The following SHISA9 variants were observed in gnomAD, a reference collection of about 807,000 sequenced individuals.
SHISA9 encodes shisa family member 9.
In SHISA9, 13 loss-of-function variants were observed where a neutral mutation model predicts 38.0. The ratio of observed to expected loss-of-function variants is 0.34; its 90% CI spans 0.22 to 0.54. The LOEUF (loss-of-function observed/expected upper bound fraction) is 0.54, where lower values mean the gene tolerates loss of function less well. Ranked by LOEUF, SHISA9 falls within the 20% of genes least tolerant of loss-of-function variation. SHISA9 has a pLI of 0.91. For missense variants in SHISA9, 538 were observed against 575.8 expected (o/e 0.93, Z 0.67); for synonymous variants, 275 against 242.0 (o/e 1.14, Z -1.27).
chr16:13,357,606 A>G, the SHISA9 span, among the ~76,000 whole-genome samples: 1 of 152,204 alleles, frequency 6.6e-6, no homozygotes, highest in African/African-American at 2.4e-5. Context: ...AGACCACCAA[A>G]CAGGCTTTGT....
At chr16:13,417,269 TATG>T in the SHISA9 span, among the ~76,000 whole-genome samples, 1 of 152,248 alleles carries the variant, frequency 6.6e-6, no homozygotes, top group African/African-American at 2.4e-5. Flanking sequence ...TTTCATATTT[TATG>T]ATATGTTTTG....
chr16:13,401,273 G>T, the SHISA9 span, among the ~76,000 whole-genome samples: 2 of 152,284 alleles, frequency 1.3e-5, no homozygotes, highest in Admixed American at 6.5e-5. Context: ...GAAAGCCAAG[G>T]CACAGATAAG....
chr16:13,218,920 T>C (rs1043675506), intron 4 of SHISA9, among the ~76,000 whole-genome samples: 6 of 152,232 alleles, frequency 3.9e-5, no homozygotes, highest in African/African-American at 1.2e-4. Context: ...CATTACTTCA[T>C]GAAATTTGGG....
chr16:13,371,504 C>T, the SHISA9 span, among the ~76,000 whole-genome samples: 1 of 152,114 alleles, frequency 6.6e-6, no homozygotes, highest in Non-Finnish European at 1.5e-5. Context: ...CTGAGTGATT[C>T]CACCATAGGA....
the SHISA9 span, among the ~76,000 whole-genome samples, chr16:13,248,598 T>C: frequency 2.0e-5 from 3 of 152,218 alleles, no homozygotes; most frequent in African/African-American, 7.2e-5. Flanking sequence ...CCTTGTCGTG[T>C]TGTTTGAGCA....
At chr16:12,910,868 G>A (rs1314295602) in intron 1 of SHISA9, 1 of 402,286 alleles carries the variant, frequency 2.5e-6, no homozygotes, top group Non-Finnish European at 3.4e-6. Flanking sequence ...TCTCTTTTTG[G>A]GGCAAAGGTC....
chr16:13,395,740 G>A, the SHISA9 span, among the ~76,000 whole-genome samples: 3 of 152,188 alleles, frequency 2.0e-5, no homozygotes, highest in South Asian at 2.1e-4. Flanking sequence ...ACATTGTAGC[G>A]AGGGAGTCGA....
the SHISA9 span, among the ~76,000 whole-genome samples, chr16:13,502,894 AAAAAT>A: frequency 2.3e-3 from 343 of 152,282 alleles, 2 homozygotes; most frequent in East Asian, 9.7e-3. Flanking sequence ...TAAGTAAATA[AAAAAT>A]AAAATAAAAT....
In SHISA9 at chr16:13,133,620, G is replaced by A. The variant is rs145846882; in HGVS notation, c.692-69774G>A. Reference sequence around the variant, plus strand: ...TATTTTCTTCCTTTCCTGAATGCCAGTCCCCTCCAGCTGGGTTGGCTGGTT... The same window carrying A: ...TATTTTCTTCCTTTCCTGAATGCCAATCCCCTCCAGCTGGGTTGGCTGGTT... On this transcript the variant is annotated intron_variant, in intron 2 of 4. Coordinates refer to ENST00000558583, the MANE Select transcript of SHISA9 (RefSeq NM_001145204.3). Among the ~76,000 whole-genome samples the A allele has an allele frequency of 4.6e-3, 703 of 152,290 alleles. 3 individuals carry two copies. Among genetic ancestry groups the A allele is most frequent in the African/African-American group, 0.011 (451 of 41,570 alleles).
chr16:13,545,130 T>C, the SHISA9 span, among the ~76,000 whole-genome samples: 2 of 152,320 alleles, frequency 1.3e-5, no homozygotes, highest in South Asian at 4.1e-4. Context: ...ACAATAATGC[T>C]GTAATACAGA....
the SHISA9 span, among the ~76,000 whole-genome samples, chr16:13,338,618 C>G: frequency 6.6e-6 from 1 of 152,066 alleles, no homozygotes. Flanking sequence ...CACGTCCTGC[C>G]TTTTTTTCTG....
intron 2 of SHISA9, among the ~76,000 whole-genome samples, chr16:13,117,330 AACACATAAAT>A (rs140776709): frequency 0.045 from 6,871 of 152,220 alleles, 258 homozygotes; most frequent in East Asian, 0.17. Context: ...GTAAAGTGAA[AACACATAAAT>A]ACACATAAAT....
the SHISA9 span, among the ~76,000 whole-genome samples, chr16:13,407,840 T>C: frequency 6.6e-6 from 1 of 152,180 alleles, no homozygotes; most frequent in African/African-American, 2.4e-5. Context: ...ATTGTAGATA[T>C]TATTGTGTAA....
At chr16:13,202,855 C>T (rs1415392905) in intron 2 of SHISA9, among the ~76,000 whole-genome samples, 1 of 152,154 alleles carries the variant, frequency 6.6e-6, no homozygotes, top group Non-Finnish European at 1.5e-5. Context: ...ATTGTTCAGT[C>T]AACATATACA....
chr16:13,090,666 TCCAC>T (rs768702082), intron 2 of SHISA9, among the ~76,000 whole-genome samples: 1 of 152,250 alleles, frequency 6.6e-6, no homozygotes, highest in Non-Finnish European at 1.5e-5. Context: ...TAGATCTTCT[TCCAC>T]CCCTCTATTT....
chr16:13,056,590 T>C (rs1322955299), intron 2 of SHISA9, among the ~76,000 whole-genome samples: 1 of 152,234 alleles, frequency 6.6e-6, no homozygotes, highest in African/African-American at 2.4e-5. Flanking sequence ...AGCATGACTC[T>C]GGGCCAGATT....
At chr16:12,956,728 G>T (rs1183568214) in intron 2 of SHISA9, among the ~76,000 whole-genome samples, 2 of 152,248 alleles carry the variant, frequency 1.3e-5, no homozygotes, top group South Asian at 4.1e-4. Flanking sequence ...CCAAAAGAGG[G>T]GAGAATGGGA....
the SHISA9 span, among the ~76,000 whole-genome samples, chr16:13,556,344 C>G: frequency 6.6e-6 from 1 of 152,180 alleles, no homozygotes; most frequent in African/African-American, 2.4e-5. Context: ...TGAACACAGT[C>G]TGACTCCAGA....
chr16:13,404,645 G>C, the SHISA9 span, among the ~76,000 whole-genome samples: 2 of 152,154 alleles, frequency 1.3e-5, no homozygotes, highest in African/African-American at 2.4e-5. Context: ...GCATCCTTGT[G>C]AGCTATGCTA....
Sources: allele counts gnomAD v4.1 joint callset (sites outside exome capture counted in the v4.1 genomes callset), GRCh38; gene constraint gnomAD v4.1.1; transcripts MANE v1.5; gene names NCBI Gene and HGNC (gene_info 2026-07-23, HGNC 2026-07-21).